PMVK: variants seen among roughly 807,000 people sequenced by gnomAD.
The protein encoded by PMVK is testis tissue sperm-binding protein Li 95mP.
A neutral mutation model predicts 19.0 loss-of-function variants in PMVK; 10 were observed. That is an observed-to-expected ratio of 0.53 (90% CI 0.32 to 0.89). The LOEUF is 0.89. Among genes scored for constraint, PMVK ranks in the 40% least tolerant of loss-of-function variants. The probability of loss-of-function intolerance (pLI) is 0.03; values close to 1 mark genes in which losing one functional copy is unlikely to be tolerated. For synonymous variants in PMVK, 108 were observed against 101.6 expected (o/e 1.06, Z -0.38); for missense variants, 222 against 251.1 (o/e 0.88, Z 0.78).
At chr1:154,927,340 C>T (rs542797210) in intron 3 of PMVK, among the ~76,000 whole-genome samples, 4 of 149,740 alleles carry the variant, frequency 2.7e-5, no homozygotes, top group Admixed American at 2.0e-4. Context: ...CCCAGCTACT[C>T]GGGAGGCTGA....
chr1:154,940,564 T>G (rs555772285), upstream of PMVK, among the ~76,000 whole-genome samples: 75 of 152,338 alleles, frequency 4.9e-4, no homozygotes, highest in Middle Eastern at 3.4e-3. Context: ...GCCTCACCTT[T>G]GCCTAGCCTG....
upstream of PMVK, among the ~76,000 whole-genome samples, chr1:154,940,157 C>T (rs1654612588): frequency 6.6e-6 from 1 of 152,202 alleles, no homozygotes; most frequent in African/African-American, 2.4e-5. Flanking sequence ...GATGGCCAGC[C>T]TGTTTGACCC....
intron 2 of PMVK, among the ~76,000 whole-genome samples, chr1:154,930,226 G>A (rs747604993): frequency 6.6e-6 from 1 of 152,100 alleles, no homozygotes; most frequent in Non-Finnish European, 1.5e-5. Flanking sequence ...TTGGGAGGCC[G>A]AGGCGGGCAG....
intron 3 of PMVK, among the ~76,000 whole-genome samples, chr1:154,927,845 C>T (rs916061626): frequency 2.6e-5 from 4 of 152,142 alleles, no homozygotes; most frequent in Non-Finnish European, 4.4e-5. Flanking sequence ...CCTTCCCAGG[C>T]ACCCTTAATA....
At chr1:154,941,200 C>T (rs1405390320), upstream of PMVK, among the ~76,000 whole-genome samples, 2 of 152,188 alleles carry the variant, frequency 1.3e-5, no homozygotes, top group Non-Finnish European at 2.9e-5. Context: ...ACAGGTGAGC[C>T]AGGAACAGGC....
intron 1 of PMVK, among the ~76,000 whole-genome samples, chr1:154,935,351 CCCA>C (rs1208560720): frequency 1.3e-5 from 2 of 152,112 alleles, no homozygotes; most frequent in African/African-American, 4.8e-5. Flanking sequence ...TCCTGGTACC[CCCA>C]CCACACTGGC....
In PMVK at chr1:154,925,043, G is replaced by T; in HGVS notation, c.*86C>A. ...ACCCCCCCTGTCTGTTCCTCACCTCGGCCAGGATCGGGGGACACCCCCATT... is the reference window on the plus strand; with the variant it reads ...ACCCCCCCTGTCTGTTCCTCACCTCTGCCAGGATCGGGGGACACCCCCATT... On this transcript the variant is annotated 3_prime_UTR_variant, in exon 5 of 5. Transcript: ENST00000368467. The T allele has an allele frequency of 3.7e-6, 4 of 1,093,764 alleles. No individual in the cohort carries two copies. The highest frequency in any genetic ancestry group is 4.8e-6 in the Non-Finnish European group (4 of 828,930). The allele number at this position is 1,093,764 out of a possible 1,614,324, so 67.8% of individuals were successfully genotyped here.
chr1:154,940,565 G>A (rs1246726304), upstream of PMVK, among the ~76,000 whole-genome samples: 3 of 152,108 alleles, frequency 2.0e-5, no homozygotes, highest in Non-Finnish European at 2.9e-5. Context: ...CCTCACCTTT[G>A]CCTAGCCTGA....
At chr1:154,936,467 T>G (rs950132658) in intron 1 of PMVK, 124 bp downstream of exon 1, 91 of 1,489,270 alleles carry the variant, frequency 6.1e-5, no homozygotes, top group Non-Finnish European at 7.7e-5. Context: ...CCCAGCCCAG[T>G]GCTCCTCCTG....
upstream of PMVK, chr1:154,936,814 T>A: frequency 1.2e-6 from 1 of 835,556 alleles, no homozygotes; most frequent in Non-Finnish European, 1.9e-6. Flanking sequence ...CTCCTCGCCG[T>A]AGCTGCGAAC....
chr1:154,925,057 GACA>G lies in PMVK; in HGVS notation c.*69_*71del. 2 of 1,403,972 alleles carry G rather than the reference GACA, an allele frequency of 1.4e-6. No homozygotes were observed. The highest frequency in any genetic ancestry group is 1.9e-6 in the Non-Finnish European group (2 of 1,031,106). 87.0% of individuals were successfully genotyped at this position (1,403,972 alleles called of 1,614,324 possible). On this transcript the variant is annotated 3_prime_UTR_variant, in exon 5 of 5. Coordinates refer to ENST00000368467, the MANE Select transcript of PMVK (RefSeq NM_006556.4). ...TTCCTCACCTCGGCCAGGATCGGGG[GACA>G]CCCCCATTTTGCAGAGTCAGCCCCA...
At chr1:154,942,452 GGT>G in the PMVK span, among the ~76,000 whole-genome samples, 1 of 152,242 alleles carries the variant, frequency 6.6e-6, no homozygotes, top group Non-Finnish European at 1.5e-5. Context: ...GTGCTGCATG[GGT>G]GTGTTAGAGA....
chr1:154,931,318 G>T (rs1191494349), intron 2 of PMVK, among the ~76,000 whole-genome samples: 1 of 152,180 alleles, frequency 6.6e-6, no homozygotes, highest in Non-Finnish European at 1.5e-5. Context: ...GAGGTCAAGG[G>T]CAAAATGTGG....
chr1:154,936,704 GA>G lies in PMVK; in HGVS notation c.-20del, dbSNP rs1558033547. 2.5e-6 allele frequency: 4 copies of G among 1,583,416 alleles called. No homozygotes were observed. Among genetic ancestry groups the G allele is most frequent in the Non-Finnish European group, 3.4e-6 (4 of 1,163,028 alleles). On this transcript the variant is annotated 5_prime_UTR_variant, in exon 1 of 5. Transcript: ENST00000368467. ...GGGCCATGGGGCCGCCACGCCTCGC[GA>G]TGCCTGAAGCTGACACTTCTCCCTA...
intron 1 of PMVK, among the ~76,000 whole-genome samples, chr1:154,936,123 C>T (rs1235055375): frequency 6.6e-6 from 1 of 152,204 alleles, no homozygotes; most frequent in Admixed American, 6.5e-5. Context: ...CGCTCTGTCG[C>T]CCAGGCTGGA....
intron 2 of PMVK, 114 bp downstream of exon 2, chr1:154,932,238 A>C: frequency 1.3e-6 from 1 of 781,288 alleles, no homozygotes; most frequent in Non-Finnish European, 2.3e-6. Context: ...GCTGGCCACC[A>C]CCCTGCCAGC....
At chr1:154,936,954 A>G, upstream of PMVK, 1 of 477,668 alleles carries the variant, frequency 2.1e-6, no homozygotes, top group Non-Finnish European at 3.9e-6. Context: ...CCCCCACCCG[A>G]ACTCACTTAG....
intron 2 of PMVK, among the ~76,000 whole-genome samples, chr1:154,931,257 C>T (rs1052306152): frequency 3.3e-5 from 5 of 152,104 alleles, no homozygotes; most frequent in African/African-American, 1.2e-4. Context: ...CCGGAAACCA[C>T]ACTCTGGCCA....
chr1:154,930,198 G>T (rs1247935336), intron 2 of PMVK, among the ~76,000 whole-genome samples: 1 of 152,202 alleles, frequency 6.6e-6, no homozygotes, highest in Non-Finnish European at 1.5e-5. Context: ...AGTGGCTCAC[G>T]CCTGTAATCC....
Sources: allele counts gnomAD v4.1 joint callset (sites outside exome capture counted in the v4.1 genomes callset), GRCh38; gene constraint gnomAD v4.1.1; transcripts MANE v1.5; gene names NCBI Gene and HGNC (gene_info 2026-07-23, HGNC 2026-07-21).